Variants in MAPK10 observed in about 807,000 individuals in gnomAD.
MAPK10 encodes the protein mitogen-activated protein kinase 10.
In MAPK10, 25 loss-of-function variants were observed where a neutral mutation model predicts 59.3. The ratio of observed to expected loss-of-function variants is 0.42; its 90% CI spans 0.31 to 0.59. The LOEUF (loss-of-function observed/expected upper bound fraction) is 0.59, where lower values mean the gene tolerates loss of function less well. Among genes scored for constraint, MAPK10 ranks in the 20% least tolerant of loss-of-function variants. The pLI is 0.15. For missense variants in MAPK10, 351 were observed against 568.9 expected (o/e 0.62, Z 3.90); for synonymous variants, 190 against 200.5 (o/e 0.95, Z 0.44).
At chr4:86,163,330 CT>C (rs1207901868) in intron 3 of MAPK10, among the ~76,000 whole-genome samples, 2 of 152,056 alleles carry the variant, frequency 1.3e-5, no homozygotes, top group Admixed American at 1.3e-4. Flanking sequence ...ACATTTCATC[CT>C]TCAGCTTCTA....
chr4:86,040,509 A>G (rs1016907812), intron 11 of MAPK10, among the ~76,000 whole-genome samples: 1 of 152,196 alleles, frequency 6.6e-6, no homozygotes, highest in Non-Finnish European at 1.5e-5. Context: ...GCATCAAAAG[A>G]GCACATTTTT....
chr4:86,228,344 C>G (rs1251646369), intron 2 of MAPK10, among the ~76,000 whole-genome samples: 1 of 152,128 alleles, frequency 6.6e-6, no homozygotes, highest in Non-Finnish European at 1.5e-5. Context: ...GCAATCTCTC[C>G]AGGATCAAGG....
chr4:86,123,048 T>C (rs1254375617), intron 4 of MAPK10, among the ~76,000 whole-genome samples: 2 of 152,122 alleles, frequency 1.3e-5, no homozygotes, highest in African/African-American at 4.8e-5. Flanking sequence ...ACTACAAGTT[T>C]ATTCTGGTGC....
intron 9 of MAPK10, among the ~76,000 whole-genome samples, chr4:86,093,198 A>G (rs1263638466): frequency 2.6e-5 from 4 of 152,054 alleles, no homozygotes; most frequent in Non-Finnish European, 5.9e-5. Flanking sequence ...CCACAATTAA[A>G]TAATTTTGAG....
At chr4:86,383,756 G>C (rs1013822987) in intron 1 of MAPK10, among the ~76,000 whole-genome samples, 2 of 151,902 alleles carry the variant, frequency 1.3e-5, no homozygotes, top group Non-Finnish European at 2.9e-5. Flanking sequence ...ATTTGATAAA[G>C]GTAGAAAGTT....
At chr4:86,187,103 G>T (rs2078426563) in intron 3 of MAPK10, among the ~76,000 whole-genome samples, 1 of 152,028 alleles carries the variant, frequency 6.6e-6, no homozygotes, top group Non-Finnish European at 1.5e-5. Flanking sequence ...CGTATGATGA[G>T]AAATAATAAT....
At chr4:86,193,695 T>C (rs1315699717) in intron 3 of MAPK10, 3 of 152,716 alleles carry the variant, frequency 2.0e-5, no homozygotes, top group Non-Finnish European at 2.9e-5. Context: ...CTGGGCTCCA[T>C]GGGGGTGGGA....
chr4:86,315,847 ATTAAC>A (rs1447395959), intron 2 of MAPK10, among the ~76,000 whole-genome samples: 6 of 152,192 alleles, frequency 3.9e-5, no homozygotes, highest in Non-Finnish European at 5.9e-5. Flanking sequence ...TGCAGATTAT[ATTAAC>A]TTTTCTTCAA....
intron 2 of MAPK10, among the ~76,000 whole-genome samples, chr4:86,312,795 T>G (rs1015859243): frequency 1.2e-4 from 19 of 152,106 alleles, no homozygotes; most frequent in African/African-American, 4.6e-4. Context: ...GATTTGTCAG[T>G]CTTACACTTA....
chr4:86,377,516 C>A (rs947281324), intron 1 of MAPK10, among the ~76,000 whole-genome samples: 2 of 152,184 alleles, frequency 1.3e-5, no homozygotes, highest in African/African-American at 2.4e-5. Context: ...GAGTACCTCC[C>A]TCATTAGAGT....
At chr4:86,564,156 T>C (rs1225092623) in intron 1 of MAPK10, among the ~76,000 whole-genome samples, 1 of 152,196 alleles carries the variant, frequency 6.6e-6, no homozygotes, top group African/African-American at 2.4e-5. Context: ...TGCTTATTTC[T>C]GGAATTTTCC....
intron 1 of MAPK10, among the ~76,000 whole-genome samples, chr4:86,523,660 A>C (rs2149088551): frequency 6.6e-6 from 1 of 152,310 alleles, no homozygotes; most frequent in African/African-American, 2.4e-5. Context: ...CAGCTTCAGG[A>C]GATACATGTC....
At chr4:86,424,341 C>G (rs575347254) in intron 1 of MAPK10, among the ~76,000 whole-genome samples, 2 of 152,182 alleles carry the variant, frequency 1.3e-5, no homozygotes, top group Non-Finnish European at 2.9e-5. Flanking sequence ...AGGCACCTGC[C>G]ACCACGCTCA....
At chr4:86,039,605 C>T (rs1270516626) in intron 11 of MAPK10, among the ~76,000 whole-genome samples, 1 of 152,164 alleles carries the variant, frequency 6.6e-6, no homozygotes, top group Non-Finnish European at 1.5e-5. Context: ...GCAGCCCAGC[C>T]TCTGGAACTT....
chr4:86,353,264 C>T (rs1732597500), intron 2 of MAPK10, among the ~76,000 whole-genome samples: 1 of 152,088 alleles, frequency 6.6e-6, no homozygotes, highest in Admixed American at 6.6e-5. Flanking sequence ...TTGTAAGTAC[C>T]CCACTCTTTA....
chr4:86,532,644 T>A (rs1034268212), intron 1 of MAPK10, among the ~76,000 whole-genome samples: 2 of 152,240 alleles, frequency 1.3e-5, no homozygotes, highest in East Asian at 3.8e-4. Context: ...TGAACTCTTA[T>A]CTTTTCCCTC....
At chr4:86,497,580 T>TG (rs1246319234) in intron 1 of MAPK10, among the ~76,000 whole-genome samples, 1 of 151,726 alleles carries the variant, frequency 6.6e-6, no homozygotes. Flanking sequence ...TCCCAGCTGG[T>TG]GGGGGCAGTG....
Position 86,014,756 on chromosome 4 carries a change from A to T in MAPK10, c.*2472T>A, listed in dbSNP as rs1742643235. ...GTTTACTCTGAGGGGGAAATTCACC[A>T]CTTATGCAGGTACGAGAGATAGCCT... On this transcript the variant is annotated 3_prime_UTR_variant, in exon 14 of 14. Transcript: ENST00000641462. 6.6e-6 allele frequency: 1 copy of T among 152,180 alleles called. No individual in the cohort carries two copies. Among genetic ancestry groups the T allele is most frequent in the Admixed American group, 6.5e-5 (1 of 15,274 alleles). The allele number at this position is 152,180 out of a possible 1,614,324, so 9.4% of individuals were successfully genotyped here. A position where few individuals can be genotyped will look rare whatever the true frequency, so the allele number is the denominator to read the frequency against.
At chr4:86,450,359 G>A (rs1003643472) in intron 1 of MAPK10, among the ~76,000 whole-genome samples, 10 of 151,922 alleles carry the variant, frequency 6.6e-5, no homozygotes, top group African/African-American at 2.2e-4. Flanking sequence ...TTAATATTTC[G>A]GCACAACTTT....
Sources: allele counts gnomAD v4.1 joint callset (sites outside exome capture counted in the v4.1 genomes callset), GRCh38; gene constraint gnomAD v4.1.1; transcripts MANE v1.5; gene names NCBI Gene and HGNC (gene_info 2026-07-23, HGNC 2026-07-21).